The following YTHDC1 variants were observed in gnomAD, a reference collection of about 807,000 sequenced individuals.
The protein encoded by YTHDC1 is YTH N6-methyladenosine RNA binding protein C1, also known as YTH domain-containing protein 1.
A neutral mutation model predicts 107.0 loss-of-function variants in YTHDC1; 12 were observed. The ratio of observed to expected loss-of-function variants is 0.11; its 90% confidence interval spans 0.07 to 0.18. The LOEUF (loss-of-function observed/expected upper bound fraction) is 0.18, where lower values mean the gene tolerates loss of function less well. Among genes scored for constraint, YTHDC1 ranks in the 10% least tolerant of loss-of-function variants. The pLI is 1.00. For missense variants in YTHDC1, 635 were observed against 898.8 expected (o/e 0.71, Z 3.75); for synonymous variants, 280 against 289.5 (o/e 0.97, Z 0.33).
At chr4:68,314,590 A>C (rs1042773967) in intron 16 of YTHDC1, among the ~76,000 whole-genome samples, 1 of 152,200 alleles carries the variant, frequency 6.6e-6, no homozygotes, top group Non-Finnish European at 1.5e-5. Flanking sequence ...GCAGTTTTCC[A>C]CTTAACTTTA....
At chr4:68,336,119 C>A (rs1724130918) in intron 4 of YTHDC1, among the ~76,000 whole-genome samples, 1 of 149,362 alleles carries the variant, frequency 6.7e-6, no homozygotes, top group Non-Finnish European at 1.5e-5. Flanking sequence ...ACTATATATA[C>A]TATATATATA....
intron 1 of YTHDC1, among the ~76,000 whole-genome samples, chr4:68,341,856 T>C (rs914430085): frequency 6.6e-6 from 1 of 152,192 alleles, no homozygotes; most frequent in Non-Finnish European, 1.5e-5. Flanking sequence ...TCACCTCTGA[T>C]AAGAGGCACT....
rs761838810 is a variant in YTHDC1 at position 68,322,773 on chromosome 4, C to T, written c.1577G>A (p.Arg526Gln). The stretch of plus-strand genomic sequence containing the variant: ...CCTTCCCACATCCCGGACTGGTTCT[C>T]GACGGGATGGACGTCCTCGTGATCG... ...QPRSRGRPSRREPVRDVGRRR... is the reference protein window; with the variant it reads ...QPRSRGRPSRQEPVRDVGRRR... Residue 526 changes from arginine to glutamine, a missense_variant, in exon 11 of 17, where the codon CGA becomes CAA. Physicochemically the swap from Arg to Gln is conservative, Grantham distance 43. This residue lies in a region of YTHDC1 where 256 missense variants were observed against 372.9 expected (regional missense o/e 0.69). Transcript: ENST00000344157. This position sits in a 1 kb window ranked among gnomAD's most constrained non-coding sequence, Gnocchi z 4.8. 17 of 1,614,118 alleles carry T rather than the reference C, an allele frequency of 1.1e-5. No individual in the cohort carries two copies. Among genetic ancestry groups the T allele is most frequent in the Admixed American group, 1.7e-5 (1 of 60,016 alleles).
rs187228804 is a variant in YTHDC1 at position 68,323,814 on chromosome 4, A to G, written c.1434+325T>C. Among the ~76,000 whole-genome samples the G allele has an allele frequency of 8.0e-4, 122 of 152,334 alleles. 2 individuals are homozygous for G. In the East Asian group the frequency reaches 0.022, roughly 27 times the overall value. ...AAAACTAGCACATATACTAAACGGCAATTCTAAAATGTATTACAGAAACTG... is the reference window on the plus strand; with the variant it reads ...AAAACTAGCACATATACTAAACGGCGATTCTAAAATGTATTACAGAAACTG... On this transcript the variant is annotated intron_variant, in intron 10 of 16. Transcript: ENST00000344157.
intron 9 of YTHDC1, among the ~76,000 whole-genome samples, chr4:68,327,166 G>A (rs1446132896): frequency 6.6e-6 from 1 of 151,984 alleles, no homozygotes; most frequent in Non-Finnish European, 1.5e-5. Flanking sequence ...AACCCGGGAG[G>A]CGGAAGTTGT....
intron 1 of YTHDC1, among the ~76,000 whole-genome samples, chr4:68,338,702 T>C (rs1266701641): frequency 1.3e-5 from 2 of 152,148 alleles, no homozygotes; most frequent in South Asian, 2.1e-4. Flanking sequence ...ATACAAAAAT[T>C]AGCAGGGCAT....
intron 10 of YTHDC1, among the ~76,000 whole-genome samples, chr4:68,323,816 T>C (rs1336612494): frequency 6.6e-6 from 1 of 152,202 alleles, no homozygotes; most frequent in East Asian, 1.9e-4. Context: ...TAAACGGCAA[T>C]TCTAAAATGT....
At position 68,336,877 on chromosome 4, in the gene YTHDC1, T is replaced by C. The variant is rs999381142; in HGVS notation, c.883+150A>G. 4.4e-6 allele frequency: 5 copies of C among 1,126,472 alleles called. No homozygotes were observed. The African/African-American group carries it at 6.3e-5, about 14-fold the overall frequency. 69.8% of individuals were successfully genotyped at this position (1,126,472 alleles called of 1,614,324 possible). On this transcript the variant is annotated intron_variant, in intron 4 of 16. Transcript: ENST00000344157. ...AATCTTATCCAAGATTATTCAAATG[T>C]ATTTATAACATTCAAAAGCATATAA...
In YTHDC1 at chr4:68,319,442, G is replaced by C. The variant is rs140255041; in HGVS notation, c.1685-580C>G. ...AATGTAAAAACATTTGAGTAGTCAT[G>C]TTACTGGGGAAAAACTATTTTCACT... On this transcript the variant is annotated intron_variant, in intron 12 of 16. Transcript: ENST00000344157. Among the ~76,000 whole-genome samples, 849 of 152,276 alleles carry C rather than the reference G, an allele frequency of 5.6e-3. 8 individuals are homozygous for C. The highest frequency in any genetic ancestry group is 8.8e-3 in the Non-Finnish European group (600 of 67,984).
chr4:68,316,857 T>G (rs1052464849), intron 15 of YTHDC1, among the ~76,000 whole-genome samples: 4 of 152,130 alleles, frequency 2.6e-5, no homozygotes, highest in African/African-American at 9.7e-5. Flanking sequence ...ACTGTTAAAG[T>G]GGTGAAGCAG....
rs1721377779 is a variant in YTHDC1 at position 68,312,427 on chromosome 4, A to T, written c.*1672T>A. On this transcript the variant is annotated 3_prime_UTR_variant, in exon 17 of 17. Coordinates refer to ENST00000344157, the MANE Select transcript of YTHDC1 (RefSeq NM_001031732.4). ...CATCTTGTCTAGCTTACTGATGAAT[A>T]CACAAAATGCCAATGAAGTGACTTA... The T allele has an allele frequency of 1.3e-5, 2 of 152,236 alleles. No homozygotes were observed. The highest frequency in any genetic ancestry group is 4.1e-4 in the South Asian group (2 of 4,832). 9.4% of individuals were successfully genotyped at this position (152,236 alleles called of 1,614,324 possible).
At chr4:68,329,457 G>T (rs1011893946) in intron 9 of YTHDC1, among the ~76,000 whole-genome samples, 14 of 152,116 alleles carry the variant, frequency 9.2e-5, no homozygotes, top group African/African-American at 2.7e-4. Flanking sequence ...ATTTGTGTAT[G>T]CCACGTAAAG....
At chr4:68,314,844 T>C (rs1429462653) in intron 16 of YTHDC1, among the ~76,000 whole-genome samples, 1 of 152,228 alleles carries the variant, frequency 6.6e-6, no homozygotes, top group Non-Finnish European at 1.5e-5. Flanking sequence ...AGAAAAGTTG[T>C]GGCTGCTCCT....
chr4:68,319,015 TTC>T (rs1722158321), intron 12 of YTHDC1, among the ~76,000 whole-genome samples, 153 bp from the exon 13 acceptor site: 1 of 152,222 alleles, frequency 6.6e-6, no homozygotes. Flanking sequence ...TCAAATTTTC[TTC>T]TCAGATTACA....
chr4:68,340,603 T>C (rs538601345), intron 1 of YTHDC1, among the ~76,000 whole-genome samples: 2 of 152,160 alleles, frequency 1.3e-5, no homozygotes. Context: ...TTTACAGATG[T>C]TTAATAAGTA....
At chr4:68,320,833 A>G (rs1402375060) in intron 11 of YTHDC1, among the ~76,000 whole-genome samples, 1 of 152,078 alleles carries the variant, frequency 6.6e-6, no homozygotes, top group Admixed American at 6.5e-5. Flanking sequence ...CCTTAGTAAC[A>G]TTTAGTTTTT....
chr4:68,324,290 G>T, intron 9 of YTHDC1, 67 bp from the exon 10 acceptor site: 1 of 1,379,032 alleles, frequency 7.3e-7, no homozygotes, highest in Non-Finnish European at 1.0e-6. Flanking sequence ...ACTACTTTTA[G>T]TAGTGAATTC....
At chr4:68,314,425 A>C (rs1578011156) in intron 16 of YTHDC1, 102 bp from the exon 17 acceptor site, 1 of 985,450 alleles carries the variant, frequency 1.0e-6, no homozygotes, top group East Asian at 2.7e-5. Context: ...TTTAAAATAT[A>C]AAAAAAGAAA....
chr4:68,316,736 A>G (rs1721900099), intron 15 of YTHDC1, among the ~76,000 whole-genome samples: 1 of 152,200 alleles, frequency 6.6e-6, no homozygotes, highest in South Asian at 2.1e-4. Flanking sequence ...GCACTTTACT[A>G]GTCTCATTTA....
Sources: gnomAD v4.1 joint callset for allele counts (sites outside exome capture counted in the v4.1 genomes callset) on GRCh38, gnomAD v4.1.1 for gene constraint, gnomAD v4.1.1 regional missense constraint, Gnocchi (gnomAD v3.1) non-coding constraint, MANE v1.5 for transcripts, NCBI Gene and HGNC (gene_info 2026-07-23, HGNC 2026-07-21) for gene names.